The following CTNNA3 variants were observed in gnomAD, a reference collection of about 807,000 sequenced individuals.
CTNNA3 encodes catenin alpha-3.
In CTNNA3, 76 loss-of-function variants were observed where a neutral mutation model predicts 95.7. The ratio of observed to expected loss-of-function variants is 0.79; its 90% confidence interval spans 0.66 to 0.96. The LOEUF is 0.96. CTNNA3 is among the 40% of genes least tolerant of loss of function. The pLI, the probability that CTNNA3 is intolerant of heterozygous loss-of-function variation, is 0.00. For synonymous variants in CTNNA3, 431 were observed against 374.4 expected, an observed-to-expected ratio of 1.15 and a Z score of -1.74; for missense variants, 1,191 against 1,089.8, an observed-to-expected ratio of 1.09 and a Z score of -1.31.
At chr10:66,244,645 G>C (rs1057234664) in intron 13 of CTNNA3, among the ~76,000 whole-genome samples, 1 of 152,186 alleles carries the variant, frequency 6.6e-6, no homozygotes. Flanking sequence ...CAACAAAGGC[G>C]GCACATTTAT....
chr10:67,440,314 G>A (rs977550482), intron 5 of CTNNA3, among the ~76,000 whole-genome samples: 7 of 152,188 alleles, frequency 4.6e-5, no homozygotes, highest in African/African-American at 1.4e-4. Context: ...GGCAAGCTCA[G>A]ATGCAGTAAA....
rs1275249586 is a variant in CTNNA3, at chr10:66,237,346, AG to A, written c.1884+43123del. 3.3e-5 allele frequency among the ~76,000 whole-genome samples: 5 copies of A among 152,202 alleles called. No homozygotes were observed. In the South Asian group the frequency reaches 8.3e-4, roughly 25 times the overall value. On this transcript the variant is annotated intron_variant, in intron 13 of 17. Transcript: ENST00000433211. Reference sequence around the variant, plus strand: ...TCTGTGGCTTGCTACTTGAAACATCAGGGGAATTGTTGTATTTGAAAGAAAT... The same window carrying A: ...TCTGTGGCTTGCTACTTGAAACATCAGGGAATTGTTGTATTTGAAAGAAAT...
intron 14 of CTNNA3, among the ~76,000 whole-genome samples, chr10:66,093,910 T>G (rs1421081167): frequency 6.6e-6 from 1 of 152,144 alleles, no homozygotes; most frequent in East Asian, 1.9e-4. Context: ...GAATCTCCTC[T>G]GTACTAAGTA....
intron 7 of CTNNA3, among the ~76,000 whole-genome samples, chr10:66,881,849 T>C (rs766900260): frequency 1.3e-5 from 2 of 152,104 alleles, no homozygotes; most frequent in Non-Finnish European, 2.9e-5. Context: ...AGCTTTTCTT[T>C]AACTAATAGA....
chr10:66,499,187 G>A (rs1368818903), intron 11 of CTNNA3, among the ~76,000 whole-genome samples: 1 of 152,050 alleles, frequency 6.6e-6, no homozygotes, highest in African/African-American at 2.4e-5. Flanking sequence ...TGGTGGGAGA[G>A]GAAAGAGCCT....
intron 11 of CTNNA3, among the ~76,000 whole-genome samples, chr10:66,457,368 C>A (rs1469697904): frequency 6.6e-6 from 1 of 151,862 alleles, no homozygotes; most frequent in African/African-American, 2.4e-5. Context: ...AAAAAGAAAA[C>A]AAACAACTCA....
intron 13 of CTNNA3, among the ~76,000 whole-genome samples, chr10:66,249,289 A>G (rs747202790): frequency 6.6e-6 from 1 of 152,166 alleles, no homozygotes; most frequent in Non-Finnish European, 1.5e-5. Flanking sequence ...AGATCAAGTT[A>G]AAAAATCTTC....
chr10:66,171,082 G>A (rs1413781645), intron 13 of CTNNA3, among the ~76,000 whole-genome samples: 3 of 151,988 alleles, frequency 2.0e-5, no homozygotes, highest in Admixed American at 6.6e-5. Context: ...GCAGTGAGCC[G>A]AGATGGAGCC....
intron 17 of CTNNA3, among the ~76,000 whole-genome samples, chr10:65,948,295 A>AAG (rs1164726958): frequency 6.8e-6 from 1 of 146,648 alleles, no homozygotes; most frequent in East Asian, 2.1e-4. Context: ...AAAAAAAAAA[A>AAG]AAAAGAAAGA....
At chr10:65,921,947 T>C (rs2077093046) in intron 17 of CTNNA3, among the ~76,000 whole-genome samples, 1 of 152,174 alleles carries the variant, frequency 6.6e-6, no homozygotes, top group South Asian at 2.1e-4. Flanking sequence ...TTATATGCTG[T>C]AGTATGCAGT....
chr10:67,083,227 A>T (rs1857137326), intron 7 of CTNNA3, among the ~76,000 whole-genome samples: 1 of 152,224 alleles, frequency 6.6e-6, no homozygotes, highest in Non-Finnish European at 1.5e-5. Flanking sequence ...AAGTAAAAAG[A>T]AAGTGTCTAA....
intron 7 of CTNNA3, chr10:67,099,857 C>T (rs1858238426): frequency 6.6e-6 from 1 of 151,488 alleles, no homozygotes; most frequent in South Asian, 2.1e-4. Context: ...TATTCTTATT[C>T]TTAATTCTCT....
At chr10:66,740,171 A>G (rs1849281095) in intron 9 of CTNNA3, among the ~76,000 whole-genome samples, 1 of 152,232 alleles carries the variant, frequency 6.6e-6, no homozygotes, top group East Asian at 1.9e-4. Context: ...AGTCCTGTTA[A>G]TATCTTGAAA....
At chr10:67,691,477 G>A (rs1376801306) in intron 1 of CTNNA3, among the ~76,000 whole-genome samples, 2 of 152,010 alleles carry the variant, frequency 1.3e-5, no homozygotes, top group East Asian at 3.9e-4. Context: ...CATCACATCT[G>A]GGAAGTGAGG....
At chr10:66,735,356 A>C (rs966879683) in intron 9 of CTNNA3, among the ~76,000 whole-genome samples, 2 of 151,930 alleles carry the variant, frequency 1.3e-5, no homozygotes, top group African/African-American at 2.4e-5. Context: ...TCTTATTTAG[A>C]GGTAACTAAC....
chr10:66,545,172 A>G (rs1016891142), intron 10 of CTNNA3, among the ~76,000 whole-genome samples: 1 of 152,088 alleles, frequency 6.6e-6, no homozygotes, highest in Non-Finnish European at 1.5e-5. Flanking sequence ...ATAGCTTTAC[A>G]AATAATTATA....
chr10:66,017,347 C>G (rs1184642377), intron 15 of CTNNA3, among the ~76,000 whole-genome samples: 1 of 152,000 alleles, frequency 6.6e-6, no homozygotes, highest in East Asian at 1.9e-4. Context: ...TAGCTCTGAC[C>G]ACACCACCTG....
chr10:66,366,286 G>A (rs1271632458), intron 12 of CTNNA3, among the ~76,000 whole-genome samples: 1 of 152,136 alleles, frequency 6.6e-6, no homozygotes, highest in Non-Finnish European at 1.5e-5. Flanking sequence ...TAGGTGTAAT[G>A]TGTAAGTTAA....
At chr10:66,035,307 G>A (rs1386325086) in intron 15 of CTNNA3, among the ~76,000 whole-genome samples, 2 of 152,094 alleles carry the variant, frequency 1.3e-5, no homozygotes, top group South Asian at 2.1e-4. Context: ...CAGACATGGG[G>A]GGTCTAAGAA....
Sources: allele counts gnomAD v4.1 joint callset (sites outside exome capture counted in the v4.1 genomes callset), GRCh38; gene constraint gnomAD v4.1.1; transcripts MANE v1.5; gene names NCBI Gene and HGNC (gene_info 2026-07-23, HGNC 2026-07-21).